The following ANKRD12 variants were observed in gnomAD, a reference collection of about 807,000 sequenced individuals.
ANKRD12 encodes ankyrin repeat domain-containing protein 12.
Under a neutral mutation model 183.4 loss-of-function variants are expected in ANKRD12, and 85 were observed. The ratio of observed to expected loss-of-function variants is 0.46; its 90% CI spans 0.39 to 0.56. The LOEUF is 0.56. Ranked by LOEUF, ANKRD12 falls within the 20% of genes least tolerant of loss-of-function variation. The pLI is 0.00. For missense variants in ANKRD12, 2,405 were observed against 2,357.1 expected (o/e 1.02, Z -0.42); for synonymous variants, 914 against 800.2 (o/e 1.14, Z -2.40).
chr18:9,198,451 A>G (rs2034970950), intron 3 of ANKRD12, among the ~76,000 whole-genome samples: 1 of 152,190 alleles, frequency 6.6e-6, no homozygotes, highest in Non-Finnish European at 1.5e-5. Context: ...AGTGGGTCTA[A>G]ATTATAGAAA....
At chr18:9,223,329 C>G (rs949703160) in intron 8 of ANKRD12, among the ~76,000 whole-genome samples, 1 of 151,700 alleles carries the variant, frequency 6.6e-6, no homozygotes, top group South Asian at 2.1e-4. Context: ...TCTCGGCTCA[C>G]TGCAAGCTCC....
At chr18:9,179,959 A>G (rs2033579627) in intron 1 of ANKRD12, among the ~76,000 whole-genome samples, 1 of 152,244 alleles carries the variant, frequency 6.6e-6, no homozygotes, top group Admixed American at 6.5e-5. Context: ...TGTTGAGCAG[A>G]TATTTCTGTA....
At chr18:9,181,897 A>G (rs2144174895) in intron 1 of ANKRD12, among the ~76,000 whole-genome samples, 1 of 152,352 alleles carries the variant, frequency 6.6e-6, no homozygotes, top group East Asian at 1.9e-4. Context: ...TAAAGTGACT[A>G]AATGGCTGAG....
intron 3 of ANKRD12, 25 bp downstream of exon 3, chr18:9,195,723 T>C (rs1282920689): frequency 3.1e-6 from 5 of 1,599,428 alleles, no homozygotes; most frequent in Non-Finnish European, 4.3e-6. Context: ...TGTTCTCTGG[T>C]AAAATCTTGC....
At chr18:9,145,353 A>G (rs755139510) in intron 1 of ANKRD12, among the ~76,000 whole-genome samples, 7 of 152,250 alleles carry the variant, frequency 4.6e-5, no homozygotes, top group Non-Finnish European at 8.8e-5. Context: ...CTCTAGGTAC[A>G]GCATTACATC....
Position 9,257,696 on chromosome 18 carries a change from T to G in ANKRD12, c.4429T>G (p.Ser1477Ala), listed in dbSNP as rs772681895. The G allele has an allele frequency of 1.2e-6, 2 of 1,614,062 alleles. No homozygotes were observed. The highest frequency in any genetic ancestry group is 2.2e-5 in the East Asian group (1 of 44,886). ...SLRQTELPGN[S>A]CAQDPASFMP... The stretch of plus-strand genomic sequence containing the variant: ...GCGCCAGACTGAACTGCCAGGAAAC[T>G]CTTGTGCTCAGGATCCGGCATCCTT... Residue 1477 changes from serine (S) to alanine (A), a missense_variant, in exon 9 of 13, where the codon TCT (serine) becomes GCT (alanine). By Grantham distance (99) the Ser-to-Ala change is moderately conservative. Transcript: ENST00000262126.
At chr18:9,144,506 G>A (rs1469510777) in intron 1 of ANKRD12, among the ~76,000 whole-genome samples, 1 of 152,072 alleles carries the variant, frequency 6.6e-6, no homozygotes, top group Non-Finnish European at 1.5e-5. Context: ...CAGATGTTAG[G>A]GTGGGAGTAG....
At chr18:9,185,292 G>T (rs975281479) in intron 2 of ANKRD12, among the ~76,000 whole-genome samples, 1 of 152,190 alleles carries the variant, frequency 6.6e-6, no homozygotes, top group Non-Finnish European at 1.5e-5. Flanking sequence ...CAGTCAGAAT[G>T]CTATTTGATA....
At position 9,258,833 on chromosome 18, in the gene ANKRD12, GTGAT is replaced by G; in HGVS notation, c.5568_5571del (p.Ile1857LeufsTer11). 6.2e-7 allele frequency: 1 copy of G among 1,613,944 alleles called. No individual in the cohort carries two copies. Among genetic ancestry groups the G allele is most frequent in the African/African-American group, 1.3e-5 (1 of 75,012 alleles). On this transcript the variant is annotated frameshift_variant, in exon 9 of 13. Transcript: ENST00000262126. LOFTEE classifies it high-confidence loss of function. ...AGAAAAACGCAAATTACTGTGTAGT[GTGAT>G]TCCTCAAGCACCTCAGTACTATGAC... is the stretch of plus-strand genomic sequence containing the variant.
chr18:9,234,349 G>A (rs1266548187), intron 8 of ANKRD12, among the ~76,000 whole-genome samples: 1 of 152,134 alleles, frequency 6.6e-6, no homozygotes, highest in African/African-American at 2.4e-5. Flanking sequence ...GGGCGACGGG[G>A]GATCTCTCTC....
intron 1 of ANKRD12, among the ~76,000 whole-genome samples, chr18:9,176,043 A>AT (rs1025791161): frequency 2.3e-4 from 35 of 152,198 alleles, no homozygotes; most frequent in African/African-American, 8.2e-4. Flanking sequence ...TTCAAGAAGG[A>AT]TGTTTATCTG....
rs143158897 is a variant in ANKRD12, at chr18:9,239,608, C to T, written c.944-14603C>T. ...TTGCTGAAAAAGACTGATGAAAATA[C>T]CCAAAATTTATTACTTAATTTACAT... On this transcript the variant is annotated intron_variant, in intron 8 of 12. Transcript: ENST00000262126. 3,575 of 898,476 alleles carry T rather than the reference C, an allele frequency of 4.0e-3. 15 individuals carry two copies. Among genetic ancestry groups the T allele is most frequent in the Non-Finnish European group, 4.3e-3 (2,822 of 651,192 alleles). The allele number at this position is 898,476 out of a possible 1,614,324, so 55.7% of individuals were successfully genotyped here.
rs1381141944 is a variant in ANKRD12 at position 9,284,678 on chromosome 18, C to T, written c.*3552C>T. On this transcript the variant is annotated 3_prime_UTR_variant, in exon 13 of 13. Coordinates refer to ENST00000262126, the MANE Select transcript of ANKRD12 (RefSeq NM_015208.5). The stretch of plus-strand genomic sequence containing the variant: ...CCTAAAATGGAGTTTTTTTTTAAGC[C>T]TCCACAGAGATAGTCACCCAAAGTA... 1 of 151,550 alleles carries T rather than the reference C, an allele frequency of 6.6e-6. No homozygotes were observed. The highest frequency in any genetic ancestry group is 1.5e-5 in the Non-Finnish European group (1 of 67,928). 9.4% of individuals were successfully genotyped at this position (151,550 alleles called of 1,614,324 possible).
In ANKRD12 at chr18:9,258,245, C is replaced by T. The variant is rs765291091; in HGVS notation, c.4978C>T (p.Pro1660Ser). 6 of 1,613,622 alleles carry T rather than the reference C, an allele frequency of 3.7e-6. No individual in the cohort carries two copies. The Admixed American group carries it at 1.0e-4, about 27-fold the overall frequency. The change falls in exon 9 of 13, where the codon CCA becomes TCA. Residue 1660 changes from proline (P) to serine (S), a missense_variant. By Grantham distance (74) the Pro-to-Ser change is moderately conservative. This residue lies in a region of ANKRD12 where 1,983 missense variants were observed against 1,725.9 expected (regional missense o/e 1.15). Coordinates refer to ENST00000262126, the MANE Select transcript of ANKRD12 (RefSeq NM_015208.5). ...TTTATGTGAAATGAATGCAGGGATG[C>T]CAAAAGGAAACCTAAATGAACAAGA... ...SDLCEMNAGM[P>S]KGNLNEQDPK...
intron 6 of ANKRD12, among the ~76,000 whole-genome samples, chr18:9,215,476 C>T (rs1598585276): frequency 6.6e-6 from 1 of 152,050 alleles, no homozygotes; most frequent in Non-Finnish European, 1.5e-5. Flanking sequence ...CTCTGGCCTC[C>T]CAGAACCAAT....
rs2038625250 is a variant in ANKRD12, at chr18:9,256,355, C to T, written c.3088C>T (p.Arg1030Ter). ...TAAAGATATAGATAGATACAAAGAA[C>T]GAGACAAACATAAAGATAAAATTCA... is the stretch of plus-strand genomic sequence containing the variant. ...KDKDIDRYKE[R>*]DKHKDKIQIN... The change falls in exon 9 of 13, where the codon CGA becomes TGA. Residue 1030 changes from arginine (R) to a stop codon, truncating the protein, a stop_gained. Coordinates refer to ENST00000262126, the MANE Select transcript of ANKRD12 (RefSeq NM_015208.5). LOFTEE classifies it high-confidence loss of function. 1 of 1,595,724 alleles carries T rather than the reference C, an allele frequency of 6.3e-7. No individual in the cohort carries two copies. Among genetic ancestry groups the T allele is most frequent in the Non-Finnish European group, 8.5e-7 (1 of 1,171,736 alleles).
intron 8 of ANKRD12, among the ~76,000 whole-genome samples, chr18:9,241,865 A>G (rs1235806025): frequency 6.6e-6 from 1 of 151,816 alleles, no homozygotes; most frequent in Non-Finnish European, 1.5e-5. Flanking sequence ...CTAGCTCCAA[A>G]GCCCAAGAGT....
chr18:9,203,719 C>A (rs893890252), intron 3 of ANKRD12, among the ~76,000 whole-genome samples: 4 of 152,148 alleles, frequency 2.6e-5, no homozygotes, highest in African/African-American at 7.2e-5. Flanking sequence ...ATTCTCTGGC[C>A]TCAGCCTCCC....
intron 8 of ANKRD12, chr18:9,250,053 G>A (rs984749472): frequency 6.6e-6 from 1 of 152,176 alleles, no homozygotes; most frequent in African/African-American, 2.4e-5. Context: ...AACACCTGTT[G>A]TAAAGACCAA....
Sources: allele counts gnomAD v4.1 joint callset (sites outside exome capture counted in the v4.1 genomes callset), GRCh38; gene constraint gnomAD v4.1.1; regional missense constraint gnomAD v4.1.1; transcripts MANE v1.5; gene names NCBI Gene and HGNC (gene_info 2026-07-23, HGNC 2026-07-21).